The following DCAF10 variants were observed in gnomAD, a reference collection of about 807,000 sequenced individuals.
DCAF10 encodes DDB1 and CUL4 associated factor 10.
A neutral mutation model predicts 51.9 loss-of-function variants in DCAF10; 19 were observed. That is an observed-to-expected ratio of 0.37 (90% confidence interval 0.26 to 0.54). The LOEUF is 0.54. Among genes scored for constraint, DCAF10 ranks in the 20% least tolerant of loss-of-function variants. The probability of loss-of-function intolerance (pLI) is 0.87; values close to 1 mark genes in which losing one functional copy is unlikely to be tolerated. For synonymous variants in DCAF10, 291 were observed against 297.1 expected (o/e 0.98, Z 0.21); for missense variants, 510 against 730.6 (o/e 0.70, Z 3.48).
chr9:37,827,352 G>T (rs1225459797), intron 2 of DCAF10, among the ~76,000 whole-genome samples: 2 of 151,880 alleles, frequency 1.3e-5, no homozygotes, highest in African/African-American at 4.8e-5. Flanking sequence ...GCATCTGGGG[G>T]TCTCAAAAAC....
At chr9:37,814,910 G>A (rs1302244453) in intron 1 of DCAF10, among the ~76,000 whole-genome samples, 1 of 152,098 alleles carries the variant, frequency 6.6e-6, no homozygotes, top group Admixed American at 6.5e-5. Flanking sequence ...AATAGCACAA[G>A]AAAGCAAAAT....
At chr9:37,828,856 T>G (rs1376325035) in intron 2 of DCAF10, among the ~76,000 whole-genome samples, 1 of 152,216 alleles carries the variant, frequency 6.6e-6, no homozygotes, top group Non-Finnish European at 1.5e-5. Context: ...AACTTCCAGT[T>G]AGATTAAAGA....
chr9:37,822,599 A>C (rs1271814721), intron 2 of DCAF10, among the ~76,000 whole-genome samples: 1 of 151,992 alleles, frequency 6.6e-6, no homozygotes, highest in Non-Finnish European at 1.5e-5. Context: ...CTATGAGGAC[A>C]TAAAGGCATA....
chr9:37,822,404 GATATATATATATATATATAT>G (rs59549239), intron 2 of DCAF10, among the ~76,000 whole-genome samples: 10,566 of 124,642 alleles, frequency 0.085, 833 homozygotes, highest in Non-Finnish European at 0.11. Flanking sequence ...AAGAAACTGT[GATATATATATATATATATAT>G]ATATATATAT....
In DCAF10 at chr9:37,862,654, T is replaced by C. The variant is rs1242891232; in HGVS notation, c.*1146T>C. On this transcript the variant is annotated 3_prime_UTR_variant, in exon 7 of 7. Coordinates refer to ENST00000377724, the MANE Select transcript of DCAF10 (RefSeq NM_024345.5). ...GAAGACTTGCCTTTGTGTTTTGTTA[T>C]GAAACACGCAAGCATAAAGCAGGAC... 1.3e-5 allele frequency: 2 copies of C among 152,238 alleles called. No individual in the cohort carries two copies. The highest frequency in any genetic ancestry group is 6.5e-5 in the Admixed American group (1 of 15,288). The allele number at this position is 152,238 out of a possible 1,614,324, so 9.4% of individuals were successfully genotyped here. A position where few individuals can be genotyped will look rare whatever the true frequency, so the allele number is the denominator to read the frequency against.
rs554572146 is a variant in DCAF10 at position 37,862,273 on chromosome 9, G to A, written c.*765G>A. The A allele has an allele frequency of 3.9e-5, 6 of 152,704 alleles. No homozygotes were observed. The South Asian group carries it at 1.0e-3, about 26-fold the overall frequency. The allele number at this position is 152,704 out of a possible 1,614,324, so 9.5% of individuals were successfully genotyped here. ...ACTTGATATTTTGTTCCTATCAACA[G>A]CATTAGAAAGGAAAGGAGACAGAAT... On this transcript the variant is annotated 3_prime_UTR_variant, in exon 7 of 7. Coordinates refer to ENST00000377724, the MANE Select transcript of DCAF10 (RefSeq NM_024345.5).
Position 37,803,300 on chromosome 9 carries a change from T to C in DCAF10, c.539+1895T>C, listed in dbSNP as rs190008723. On this transcript the variant is annotated intron_variant, in intron 1 of 6. Coordinates refer to ENST00000377724, the MANE Select transcript of DCAF10 (RefSeq NM_024345.5). ...TTAATATAAACATGGAATCACTGTT[T>C]TGTAGCTTGCTTTTTTTCTTACAGT... 2.8e-3 allele frequency among the ~76,000 whole-genome samples: 423 copies of C among 152,288 alleles called. 4 individuals carry two copies. Among genetic ancestry groups the C allele is most frequent in the African/African-American group, 9.8e-3 (407 of 41,548 alleles).
chr9:37,860,931 T>A (rs1322052400), intron 6 of DCAF10, among the ~76,000 whole-genome samples: 1 of 152,082 alleles, frequency 6.6e-6, no homozygotes, highest in African/African-American at 2.4e-5. Context: ...CTTTAAAGCA[T>A]CATAACACAG....
At chr9:37,859,666 A>G (rs1278082335) in intron 5 of DCAF10, among the ~76,000 whole-genome samples, 1 of 152,206 alleles carries the variant, frequency 6.6e-6, no homozygotes, top group East Asian at 1.9e-4. Flanking sequence ...CAATGAGAGG[A>G]GAATTGTTAC....
intron 2 of DCAF10, among the ~76,000 whole-genome samples, chr9:37,821,683 C>G (rs1265349005): frequency 6.6e-6 from 1 of 151,958 alleles, no homozygotes; most frequent in East Asian, 1.9e-4. Context: ...ATAAAAAAAA[C>G]CCTTCTAGAC....
At position 37,861,242 on chromosome 9, in the gene DCAF10, A is replaced by AG; in HGVS notation, c.1418dup (p.Tyr474LeufsTer28). 1 of 1,614,186 alleles carries AG rather than the reference A, an allele frequency of 6.2e-7. No individual in the cohort carries two copies. Among genetic ancestry groups the AG allele is most frequent in the Middle Eastern group, 1.6e-4 (1 of 6,062 alleles). On this transcript the variant is annotated frameshift_variant, in exon 7 of 7. Coordinates refer to ENST00000377724, the MANE Select transcript of DCAF10 (RefSeq NM_024345.5). LOFTEE classifies it high-confidence loss of function. This position sits in a 1 kb window ranked among gnomAD's most constrained non-coding sequence, Gnocchi z 4.9. Reference sequence around the variant, plus strand: ...TTACATTGAAGAAGCCAATGTAGGCAGGGGTTACATCAAAGAACTTTGCTT... The same window carrying AG: ...TTACATTGAAGAAGCCAATGTAGGCAGGGGGTTACATCAAAGAACTTTGCTT...
chr9:37,829,026 G>A lies in DCAF10; in HGVS notation c.653+9625G>A, dbSNP rs1006892495. 1.8e-4 allele frequency among the ~76,000 whole-genome samples: 28 copies of A among 152,170 alleles called. No homozygotes were observed. Among genetic ancestry groups the A allele is most frequent in the East Asian group, 1.9e-4 (1 of 5,200 alleles). ...ATTTTAAACTTCATTGTAACCAAAC[G>A]CATCATAATAATGTGAGAAGATAGG... On this transcript the variant is annotated intron_variant, in intron 2 of 6. Coordinates refer to ENST00000377724, the MANE Select transcript of DCAF10 (RefSeq NM_024345.5). The surrounding 1 kb of genome is among the most constrained non-coding windows in gnomAD (Gnocchi z 4.2).
intron 1 of DCAF10, among the ~76,000 whole-genome samples, chr9:37,817,495 G>A (rs955770270): frequency 6.6e-6 from 1 of 152,190 alleles, no homozygotes; most frequent in Non-Finnish European, 1.5e-5. Context: ...TTACTCTGGA[G>A]GCTGAGGCAG....
intron 3 of DCAF10, among the ~76,000 whole-genome samples, chr9:37,852,080 A>C (rs950555961): frequency 2.6e-5 from 4 of 152,302 alleles, no homozygotes; most frequent in African/African-American, 9.6e-5. Flanking sequence ...ATAAATAAAA[A>C]GAGATCCAAA....
intron 5 of DCAF10, among the ~76,000 whole-genome samples, 155 bp from the exon 6 acceptor site, chr9:37,859,893 A>G (rs1830962554): frequency 6.6e-6 from 1 of 152,168 alleles, no homozygotes; most frequent in Non-Finnish European, 1.5e-5. Flanking sequence ...CACACCATAC[A>G]TTGGGGAGTA....
intron 5 of DCAF10, 60 bp downstream of exon 5, chr9:37,857,411 TATTG>T (rs978730185): frequency 1.7e-5 from 21 of 1,252,224 alleles, no homozygotes; most frequent in Admixed American, 1.2e-4. Flanking sequence ...TCTGATTAAT[TATTG>T]ATTGATTAAA....
intron 2 of DCAF10, among the ~76,000 whole-genome samples, chr9:37,831,790 T>C (rs1412486412): frequency 6.6e-6 from 1 of 152,094 alleles, no homozygotes; most frequent in Non-Finnish European, 1.5e-5. Context: ...TAGAGTTCCT[T>C]TAATAATCAT....
At chr9:37,808,921 T>G (rs934027506) in intron 1 of DCAF10, among the ~76,000 whole-genome samples, 29 of 148,768 alleles carry the variant, frequency 1.9e-4, no homozygotes, top group African/African-American at 7.2e-4. Context: ...AAGACCAGCC[T>G]GGGCAAGGAA....
At chr9:37,859,368 G>T (rs1220180977) in intron 5 of DCAF10, among the ~76,000 whole-genome samples, 3 of 152,190 alleles carry the variant, frequency 2.0e-5, no homozygotes, top group African/African-American at 7.2e-5. Context: ...GCACCTGAAG[G>T]ATATAACATA....
Sources: gnomAD v4.1 joint callset for allele counts (sites outside exome capture counted in the v4.1 genomes callset) on GRCh38, gnomAD v4.1.1 for gene constraint, Gnocchi (gnomAD v3.1) non-coding constraint, MANE v1.5 for transcripts, NCBI Gene and HGNC (gene_info 2026-07-23, HGNC 2026-07-21) for gene names.